TRPM3: variants seen among roughly 807,000 people sequenced by gnomAD.
TRPM3 encodes long transient receptor potential channel 3.
In TRPM3, 77 loss-of-function variants were observed where a neutral mutation model predicts 181.2. That is an observed-to-expected ratio of 0.42 (90% CI 0.35 to 0.51). The LOEUF (loss-of-function observed/expected upper bound fraction) is 0.51, where lower values mean the gene tolerates loss of function less well. Ranked by LOEUF, TRPM3 falls within the 20% of genes least tolerant of loss-of-function variation. The pLI is 0.01. For missense variants in TRPM3, 1,759 were observed against 2,196.7 expected (o/e 0.80, Z 3.98); for synonymous variants, 745 against 796.4 (o/e 0.94, Z 1.09).
intron 5 of TRPM3, among the ~76,000 whole-genome samples, chr9:70,830,627 A>G (rs1198820745): frequency 6.6e-6 from 1 of 152,246 alleles, no homozygotes; most frequent in Non-Finnish European, 1.5e-5. Flanking sequence ...GTCCTAATTT[A>G]GTTTTCAGTC....
intron 1 of TRPM3, among the ~76,000 whole-genome samples, chr9:71,366,726 A>G (rs2092347707): frequency 6.6e-6 from 1 of 152,146 alleles, no homozygotes; most frequent in African/African-American, 2.4e-5. Flanking sequence ...TTATTACATG[A>G]CAGCTATACC....
At chr9:70,916,731 T>C (rs1211369816) in intron 1 of TRPM3, among the ~76,000 whole-genome samples, 1 of 152,132 alleles carries the variant, frequency 6.6e-6, no homozygotes, top group Non-Finnish European at 1.5e-5. Flanking sequence ...AAGCCATAAA[T>C]AGGAAATAAG....
At chr9:70,673,949 CAAAAAAAA>C (rs5898160) in intron 9 of TRPM3, among the ~76,000 whole-genome samples, 2 of 89,646 alleles carry the variant, frequency 2.2e-5, no homozygotes, top group Non-Finnish European at 4.0e-5. Context: ...AACTCCATCT[CAAAAAAAA>C]AAAAAAAAAA....
intron 8 of TRPM3, among the ~76,000 whole-genome samples, chr9:70,759,908 A>C (rs2077779330): frequency 6.6e-6 from 1 of 152,138 alleles, no homozygotes; most frequent in Non-Finnish European, 1.5e-5. Context: ...GGTGCAGCAC[A>C]TGTATACCTA....
chr9:70,698,223 A>G (rs1189203968), intron 8 of TRPM3, among the ~76,000 whole-genome samples: 1 of 150,514 alleles, frequency 6.6e-6, no homozygotes, highest in Non-Finnish European at 1.5e-5. Flanking sequence ...AAAAAAAAAA[A>G]GAATTTTTCT....
At chr9:71,330,593 C>T (rs2091413622) in intron 1 of TRPM3, among the ~76,000 whole-genome samples, 1 of 151,780 alleles carries the variant, frequency 6.6e-6, no homozygotes, top group South Asian at 2.1e-4. Flanking sequence ...AGAAAAAGCA[C>T]AGATTACATT....
chr9:70,808,327 T>C (rs543162217), intron 6 of TRPM3, among the ~76,000 whole-genome samples: 1 of 152,348 alleles, frequency 6.6e-6, no homozygotes, highest in African/African-American at 2.4e-5. Context: ...CTTAGAATGG[T>C]GGACAGCTCT....
chr9:70,917,327 G>T (rs1286546322), intron 1 of TRPM3: 17 of 1,229,266 alleles, frequency 1.4e-5, no homozygotes, highest in Non-Finnish European at 1.9e-5. Context: ...ATGAAATATT[G>T]CTCCAGAATA....
At chr9:70,633,664 A>C (rs1589582530) in intron 12 of TRPM3, among the ~76,000 whole-genome samples, 1 of 152,252 alleles carries the variant, frequency 6.6e-6, no homozygotes. Flanking sequence ...CAGCAGGTGA[A>C]TAGGTACATT....
At chr9:71,177,613 G>GGTAT (rs779218018) in intron 1 of TRPM3, among the ~76,000 whole-genome samples, 1 of 152,020 alleles carries the variant, frequency 6.6e-6, no homozygotes, top group Admixed American at 6.6e-5. Flanking sequence ...AGAATCTTGA[G>GGTAT]TCATTCATGT....
intron 1 of TRPM3, among the ~76,000 whole-genome samples, chr9:70,982,951 G>A (rs560668201): frequency 3.1e-4 from 47 of 151,928 alleles, no homozygotes; most frequent in Non-Finnish European, 4.9e-4. Flanking sequence ...CACCTGCCTC[G>A]GCCTCCCAAA....
At chr9:70,740,509 C>A (rs1316241226) in intron 8 of TRPM3, among the ~76,000 whole-genome samples, 1 of 152,144 alleles carries the variant, frequency 6.6e-6, no homozygotes, top group African/African-American at 2.4e-5. Flanking sequence ...GAAAAAAGAG[C>A]TTGCATAGCC....
At chr9:70,650,526 T>A (rs972362927) in intron 9 of TRPM3, among the ~76,000 whole-genome samples, 17 of 152,298 alleles carry the variant, frequency 1.1e-4, no homozygotes, top group African/African-American at 3.1e-4. Context: ...TAATATTTTT[T>A]AAAAATGAAA....
At position 71,282,174 on chromosome 9, in the gene TRPM3, A is replaced by AGAAAGAAAG. The variant is rs1554862302; in HGVS notation, c.183+164470_183+164478dup. 5.2e-3 allele frequency among the ~76,000 whole-genome samples: 359 copies of AGAAAGAAAG among 68,816 alleles called. 26 individuals carry two copies. The highest frequency in any genetic ancestry group is 0.022 in the East Asian group (26 of 1,170). The allele number at this position is 68,816 out of a possible 152,430, so 45.1% of individuals were successfully genotyped here. ...GAAAGAAAGGAAAAGAAAGAATGAA[A>AGAAAGAAAG]GAAAGAAAGAAAGGAAAGAAAGAAT... is the stretch of plus-strand genomic sequence containing the variant. On this transcript the variant is annotated intron_variant, in intron 1 of 24. Coordinates refer to the TRPM3 transcript ENST00000357533.
chr9:70,995,298 T>A (rs11142662), intron 1 of TRPM3, among the ~76,000 whole-genome samples: 4 of 152,172 alleles, frequency 2.6e-5, no homozygotes, highest in East Asian at 3.9e-4. Flanking sequence ...TATTCAAGAA[T>A]ATGTTATAAT....
intron 1 of TRPM3, among the ~76,000 whole-genome samples, chr9:70,938,688 C>T (rs1219223595): frequency 6.6e-6 from 1 of 152,132 alleles, no homozygotes; most frequent in Non-Finnish European, 1.5e-5. Flanking sequence ...CGCGGTGGCT[C>T]ACACCTGTAA....
At chr9:70,756,466 T>C (rs2077099453) in intron 8 of TRPM3, among the ~76,000 whole-genome samples, 3 of 152,116 alleles carry the variant, frequency 2.0e-5, no homozygotes, top group Admixed American at 6.6e-5. Context: ...TATTCATGAC[T>C]TGAACTCACC....
chr9:71,413,082 A>T (rs544324293), intron 1 of TRPM3, among the ~76,000 whole-genome samples: 2 of 152,162 alleles, frequency 1.3e-5, no homozygotes, highest in African/African-American at 4.8e-5. Flanking sequence ...GGAACATCAC[A>T]CACTGGGGCC....
intron 7 of TRPM3, among the ~76,000 whole-genome samples, chr9:70,773,378 G>A (rs1170695561): frequency 6.6e-6 from 1 of 152,104 alleles, no homozygotes; most frequent in African/African-American, 2.4e-5. Flanking sequence ...GCCACCTCAT[G>A]ATGTTTATGA....
Sources: allele counts gnomAD v4.1 joint callset (sites outside exome capture counted in the v4.1 genomes callset), GRCh38; gene constraint gnomAD v4.1.1; transcripts MANE v1.5; gene names NCBI Gene and HGNC (gene_info 2026-07-23, HGNC 2026-07-21).